The following GMDS variants were observed in gnomAD, a reference collection of about 807,000 sequenced individuals.
GMDS encodes GDP-mannose 4,6-dehydratase, also known as GDP-mannose 4,6 dehydratase.
A neutral mutation model predicts 49.9 loss-of-function variants in GMDS; 20 were observed. The ratio of observed to expected loss-of-function variants is 0.40; its 90% CI spans 0.28 to 0.58. The LOEUF is 0.58. GMDS is among the 20% of genes least tolerant of loss of function. The pLI is 0.42. For missense variants in GMDS, 362 were observed against 481.4 expected, an observed-to-expected ratio of 0.75 and a Z score of 2.32; for synonymous variants, 177 against 178.6, an observed-to-expected ratio of 0.99 and a Z score of 0.07.
chr6:2,113,213 G>C (rs1211623318), intron 4 of GMDS, among the ~76,000 whole-genome samples: 1 of 151,974 alleles, frequency 6.6e-6, no homozygotes, highest in Non-Finnish European at 1.5e-5. Context: ...TGGAGCCCTG[G>C]GTTTCCCTCT....
chr6:1,944,421 C>T (rs1274834373), intron 6 of GMDS, among the ~76,000 whole-genome samples: 4 of 151,938 alleles, frequency 2.6e-5, no homozygotes, highest in East Asian at 1.9e-4. Flanking sequence ...AGGAGAATGG[C>T]GTGAATCTGG....
chr6:1,682,319 A>G (rs1764818041), intron 9 of GMDS, among the ~76,000 whole-genome samples: 1 of 152,256 alleles, frequency 6.6e-6, no homozygotes, highest in Non-Finnish European at 1.5e-5. Flanking sequence ...AAGAGGCAGC[A>G]GTGTCTGAGC....
chr6:2,071,860 T>C (rs189731329), intron 4 of GMDS, among the ~76,000 whole-genome samples: 4 of 152,180 alleles, frequency 2.6e-5, no homozygotes, highest in Non-Finnish European at 4.4e-5. Flanking sequence ...GTTTCTTACT[T>C]TGAATGTGAT....
At chr6:1,733,653 C>A (rs1766904423) in intron 8 of GMDS, among the ~76,000 whole-genome samples, 1 of 152,146 alleles carries the variant, frequency 6.6e-6, no homozygotes, top group Non-Finnish European at 1.5e-5. Context: ...CATGTTAGGT[C>A]TCCAAATACA....
intron 1 of GMDS, among the ~76,000 whole-genome samples, chr6:2,193,793 G>A (rs532673403): frequency 1.1e-4 from 15 of 141,548 alleles, no homozygotes; most frequent in Admixed American, 3.7e-4. Flanking sequence ...GCGCGATCTC[G>A]GCTCACTGCA....
At chr6:2,230,395 C>G (rs1781032713) in intron 1 of GMDS, among the ~76,000 whole-genome samples, 1 of 152,188 alleles carries the variant, frequency 6.6e-6, no homozygotes, top group Non-Finnish European at 1.5e-5. Flanking sequence ...TCTCAGGTTT[C>G]CTGGATCCAT....
chr6:1,625,865 C>T (rs1762836772), intron 9 of GMDS, among the ~76,000 whole-genome samples: 1 of 152,172 alleles, frequency 6.6e-6, no homozygotes, highest in Non-Finnish European at 1.5e-5. Flanking sequence ...ACGCAAAGGC[C>T]GTACGAAAAT....
intron 1 of GMDS, among the ~76,000 whole-genome samples, chr6:2,211,480 AC>A (rs1168341777): frequency 6.6e-6 from 1 of 152,180 alleles, no homozygotes; most frequent in Non-Finnish European, 1.5e-5. Context: ...TGCATGTTAA[AC>A]TTTAGATAAG....
At chr6:2,045,613 G>C (rs537284945) in intron 4 of GMDS, among the ~76,000 whole-genome samples, 1 of 152,112 alleles carries the variant, frequency 6.6e-6, no homozygotes, top group South Asian at 2.1e-4. Flanking sequence ...GGTTTTGTTT[G>C]TATGTTTGCT....
At chr6:1,670,220 G>A (rs905542168) in intron 9 of GMDS, among the ~76,000 whole-genome samples, 1 of 152,182 alleles carries the variant, frequency 6.6e-6, no homozygotes, top group Non-Finnish European at 1.5e-5. Context: ...GGACAAGGGG[G>A]TGAGAGGGTG....
At chr6:1,985,573 A>G (rs1765497869) in intron 4 of GMDS, among the ~76,000 whole-genome samples, 1 of 152,228 alleles carries the variant, frequency 6.6e-6, no homozygotes, top group South Asian at 2.1e-4. Context: ...GCTAAAAACA[A>G]GAAAGCATTT....
At chr6:2,134,259 G>C (rs1220872383) in intron 1 of GMDS, among the ~76,000 whole-genome samples, 1 of 152,188 alleles carries the variant, frequency 6.6e-6, no homozygotes, top group African/African-American at 2.4e-5. Context: ...AATGCTTTTA[G>C]GTTGTTCTTT....
At chr6:2,219,594 G>A (rs1441241999) in intron 1 of GMDS, among the ~76,000 whole-genome samples, 6 of 152,076 alleles carry the variant, frequency 3.9e-5, no homozygotes, top group Admixed American at 3.9e-4. Context: ...AGATGTAAAT[G>A]TCTCAGGAAC....
intron 7 of GMDS, among the ~76,000 whole-genome samples, chr6:1,872,815 G>T (rs1477118502): frequency 6.6e-6 from 1 of 152,228 alleles, no homozygotes; most frequent in African/African-American, 2.4e-5. Context: ...CAGCACATAT[G>T]GCAGTCAGGA....
intron 4 of GMDS, among the ~76,000 whole-genome samples, chr6:2,046,506 T>C (rs982586174): frequency 8.5e-5 from 13 of 152,140 alleles, no homozygotes; most frequent in African/African-American, 1.7e-4. Context: ...GTCACCTAGG[T>C]TGGAGGGCAG....
intron 4 of GMDS, among the ~76,000 whole-genome samples, chr6:2,019,017 T>C (rs561435462): frequency 6.4e-4 from 97 of 152,158 alleles, no homozygotes; most frequent in African/African-American, 2.3e-3. Flanking sequence ...TTTTTTATTA[T>C]AGCCACCCCA....
chr6:1,928,217 T>C (rs1193122105), intron 7 of GMDS, among the ~76,000 whole-genome samples: 1 of 152,018 alleles, frequency 6.6e-6, no homozygotes, highest in Non-Finnish European at 1.5e-5. Flanking sequence ...ATATAAAAAT[T>C]AGCTGGGCGT....
In GMDS at chr6:1,753,318, G is replaced by A. The variant is rs536340159; in HGVS notation, c.772-10732C>T. Among the ~76,000 whole-genome samples, 3 of 152,232 alleles carry A rather than the reference G, an allele frequency of 2.0e-5. No homozygotes were observed. The South Asian group carries it at 6.2e-4, about 32-fold the overall frequency. On this transcript the variant is annotated intron_variant, in intron 7 of 10. Transcript: ENST00000380815. ...GAAGGGCATTACATAATGGTAAAGG[G>A]ATCAATGCAACAAGAAGAGCTAACT... is the stretch of plus-strand genomic sequence containing the variant.
chr6:1,860,550 A>G (rs1263105131), intron 7 of GMDS, among the ~76,000 whole-genome samples: 1 of 152,210 alleles, frequency 6.6e-6, no homozygotes, highest in African/African-American at 2.4e-5. Context: ...GGTGGTAGTT[A>G]CAGGCCTATA....
Sources: allele counts gnomAD v4.1 joint callset (sites outside exome capture counted in the v4.1 genomes callset), GRCh38; gene constraint gnomAD v4.1.1; transcripts MANE v1.5; gene names NCBI Gene and HGNC (gene_info 2026-07-23, HGNC 2026-07-21).